DNM3: variants seen among roughly 807,000 people sequenced by gnomAD.
The protein encoded by DNM3 is dynamin-3.
A neutral mutation model predicts 101.6 loss-of-function variants in DNM3; 47 were observed. The ratio of observed to expected loss-of-function variants is 0.46; its 90% CI spans 0.37 to 0.59. The LOEUF is 0.59. Among genes scored for constraint, DNM3 ranks in the 20% least tolerant of loss-of-function variants. The pLI is 0.00. For synonymous variants in DNM3, 385 were observed against 387.9 expected, an observed-to-expected ratio of 0.99 and a Z score of 0.09; for missense variants, 849 against 1,085.7, an observed-to-expected ratio of 0.78 and a Z score of 3.06.
At chr1:172,328,668 C>A (rs1455490488) in intron 17 of DNM3, among the ~76,000 whole-genome samples, 10 of 152,084 alleles carry the variant, frequency 6.6e-5, no homozygotes, top group African/African-American at 1.9e-4. Flanking sequence ...GGGCGAGGAT[C>A]AAAAAATTTC....
Position 172,131,219 on chromosome 1 carries a change from G to C in DNM3, c.1590G>C (p.Met530Ile). 1 of 1,613,442 alleles carries C rather than the reference G, an allele frequency of 6.2e-7. No homozygotes were observed. The highest frequency in any genetic ancestry group is 8.5e-7 in the Non-Finnish European group (1 of 1,179,608). ...TCACCATCAGCAACATTGGCATCAT[G>C]AAAGGCGGCTCGAAGGGATACTGGT... ...GWLTISNIGI[M>I]KGGSKGYWFV... is the part of the protein sequence containing the mutation. Residue 530 changes from methionine (M) to isoleucine (I), a missense_variant, in exon 14 of 21, where the codon ATG (methionine) becomes ATC (isoleucine). Coordinates refer to ENST00000627582, the MANE Select transcript of DNM3 (RefSeq NM_015569.5).
chr1:172,193,678 T>A (rs2059828761), intron 14 of DNM3, among the ~76,000 whole-genome samples: 1 of 152,172 alleles, frequency 6.6e-6, no homozygotes, highest in South Asian at 2.1e-4. Flanking sequence ...CTGATGGTAG[T>A]TTGTATTTCT....
intron 2 of DNM3, among the ~76,000 whole-genome samples, chr1:171,946,820 G>A (rs150535584): frequency 6.6e-6 from 1 of 152,178 alleles, no homozygotes; most frequent in Admixed American, 6.5e-5. Context: ...GGAGGCAAGA[G>A]AGAAAGAGAG....
intron 14 of DNM3, among the ~76,000 whole-genome samples, chr1:172,176,083 G>A (rs986609346): frequency 4.6e-5 from 7 of 151,756 alleles, no homozygotes; most frequent in Non-Finnish European, 7.4e-5. Context: ...CTTTGCACAC[G>A]TGATTTGTGA....
At chr1:171,881,963 T>C (rs1644969464) in intron 1 of DNM3, among the ~76,000 whole-genome samples, 1 of 152,242 alleles carries the variant, frequency 6.6e-6, no homozygotes, top group African/African-American at 2.4e-5. Flanking sequence ...AAAGATTTTT[T>C]CTTTAAAATT....
At chr1:171,991,683 CT>C (rs2045640790) in intron 4 of DNM3, among the ~76,000 whole-genome samples, 1 of 152,118 alleles carries the variant, frequency 6.6e-6, no homozygotes, top group Non-Finnish European at 1.5e-5. Context: ...ACTTCAGCCC[CT>C]CATCCCTCCT....
chr1:171,940,075 G>A (rs924381127), intron 2 of DNM3, among the ~76,000 whole-genome samples: 2 of 152,176 alleles, frequency 1.3e-5, no homozygotes, highest in Non-Finnish European at 2.9e-5. Flanking sequence ...AGTTTAAGAA[G>A]TTGGTTGTTA....
At chr1:172,321,769 T>C (rs1003502675) in intron 16 of DNM3, among the ~76,000 whole-genome samples, 1 of 152,186 alleles carries the variant, frequency 6.6e-6, no homozygotes, top group African/African-American at 2.4e-5. Context: ...TGCTGTGGAA[T>C]GCAATAAACT....
intron 18 of DNM3, among the ~76,000 whole-genome samples, chr1:172,385,834 G>A (rs965052802): frequency 5.3e-5 from 8 of 152,266 alleles, no homozygotes; most frequent in African/African-American, 1.9e-4. Context: ...ATGTAACAGA[G>A]AAACTGAAAA....
At chr1:172,041,857 G>A (rs2049415407) in intron 7 of DNM3, among the ~76,000 whole-genome samples, 152 bp from the exon 8 acceptor site, 1 of 152,304 alleles carries the variant, frequency 6.6e-6, no homozygotes, top group African/African-American at 2.4e-5. Flanking sequence ...ATCACACTGT[G>A]AGTACTACAT....
intron 10 of DNM3, among the ~76,000 whole-genome samples, chr1:172,057,633 C>G (rs1161192950): frequency 6.6e-6 from 1 of 151,800 alleles, no homozygotes; most frequent in Non-Finnish European, 1.5e-5. Flanking sequence ...ACTTTACAGA[C>G]AAGCAAATGC....
At chr1:172,009,523 AACTT>A (rs1251013248) in intron 4 of DNM3, among the ~76,000 whole-genome samples, 1 of 151,694 alleles carries the variant, frequency 6.6e-6, no homozygotes, top group African/African-American at 2.4e-5. Flanking sequence ...TTAAAATTAA[AACTT>A]AATAATTGGT....
At chr1:171,984,515 C>T (rs1156293785) in intron 2 of DNM3, among the ~76,000 whole-genome samples, 1 of 152,156 alleles carries the variant, frequency 6.6e-6, no homozygotes, top group Non-Finnish European at 1.5e-5. Context: ...TGGCCTGCTG[C>T]CTTCCTTTCT....
At chr1:172,292,324 T>C (rs1402176142) in intron 15 of DNM3, among the ~76,000 whole-genome samples, 1 of 152,210 alleles carries the variant, frequency 6.6e-6, no homozygotes, top group East Asian at 1.9e-4. Context: ...CAAAATGGAT[T>C]TGAGCAGGTG....
At position 172,411,676 on chromosome 1, in the gene DNM3, C is replaced by T. The variant is rs2071215460; in HGVS notation, c.*3835C>T. On this transcript the variant is annotated 3_prime_UTR_variant, in exon 21 of 21. Coordinates refer to ENST00000627582, the MANE Select transcript of DNM3 (RefSeq NM_015569.5). ...TTTCAGGTAAACATTTTTCATTTGGCAAATGGCATAATTATTTGAAAGTGA... is the reference window on the plus strand; with the variant it reads ...TTTCAGGTAAACATTTTTCATTTGGTAAATGGCATAATTATTTGAAAGTGA... 1 of 984,964 alleles carries T rather than the reference C, an allele frequency of 1.0e-6. No individual in the cohort carries two copies. The highest frequency in any genetic ancestry group is 1.2e-6 in the Non-Finnish European group (1 of 829,778). The allele number at this position is 984,964 out of a possible 1,614,324, so 61.0% of individuals were successfully genotyped here. A position where few individuals can be genotyped will look rare whatever the true frequency, so the allele number is the denominator to read the frequency against.
At chr1:172,180,120 T>C (rs138399578) in intron 14 of DNM3, among the ~76,000 whole-genome samples, 119 of 152,214 alleles carry the variant, frequency 7.8e-4, no homozygotes, top group African/African-American at 2.7e-3. Flanking sequence ...GTTTGCCCTG[T>C]AGGAACAAAT....
At chr1:172,028,699 A>G (rs2048384388) in intron 4 of DNM3, among the ~76,000 whole-genome samples, 1 of 152,214 alleles carries the variant, frequency 6.6e-6, no homozygotes, top group African/African-American at 2.4e-5. Context: ...GAAGAATCAA[A>G]TAGACAATAA....
chr1:172,359,060 A>AC (rs1324555890), intron 17 of DNM3, among the ~76,000 whole-genome samples: 16 of 151,274 alleles, frequency 1.1e-4, no homozygotes, highest in Non-Finnish European at 2.1e-4. Context: ...GGTGGCTCAG[A>AC]CGGGGCCTGG....
At chr1:172,130,782 A>G (rs1013452627) in intron 13 of DNM3, among the ~76,000 whole-genome samples, 3 of 152,206 alleles carry the variant, frequency 2.0e-5, no homozygotes, top group African/African-American at 7.2e-5. Context: ...CAAATGGGCC[A>G]GTAGGCTGGA....
Sources: gnomAD v4.1 joint callset for allele counts (sites outside exome capture counted in the v4.1 genomes callset) on GRCh38, gnomAD v4.1.1 for gene constraint, MANE v1.5 for transcripts, NCBI Gene and HGNC (gene_info 2026-07-23, HGNC 2026-07-21) for gene names.